The following MEIS2 variants were observed in gnomAD, a reference collection of about 807,000 sequenced individuals.
MEIS2 encodes the protein homeobox protein Meis2.
MEIS2 carries 9 observed loss-of-function variants against 58.6 expected under a neutral mutation model. That is an observed-to-expected ratio of 0.15 (90% CI 0.09 to 0.27). MEIS2 has a LOEUF of 0.27. Among genes scored for constraint, MEIS2 ranks in the 10% least tolerant of loss-of-function variants. MEIS2 has a pLI of 1.00. For synonymous variants in MEIS2, 221 were observed against 228.4 expected (o/e 0.97, Z 0.29); for missense variants, 427 against 635.0 (o/e 0.67, Z 3.52).
chr15:37,030,389 T>C (rs2061868346), intron 8 of MEIS2, among the ~76,000 whole-genome samples: 1 of 151,812 alleles, frequency 6.6e-6, no homozygotes. Context: ...TAGGCTGGAG[T>C]GCAGTGGCAC....
intron 8 of MEIS2, among the ~76,000 whole-genome samples, chr15:37,029,892 T>C (rs1258687930): frequency 6.6e-6 from 1 of 152,176 alleles, no homozygotes; most frequent in African/African-American, 2.4e-5. Context: ...GGCCAAGTGC[T>C]GTGGTTCACA....
chr15:37,077,137 GTACTAAC>G, intron 7 of MEIS2, among the ~76,000 whole-genome samples: 1 of 152,088 alleles, frequency 6.6e-6, no homozygotes, highest in Non-Finnish European at 1.5e-5. Context: ...GACACGAGAT[GTACTAAC>G]TCAGTAGTGA....
chr15:37,092,063 C>T lies in MEIS2; in HGVS notation c.639+1518G>A, dbSNP rs536201943. Among the ~76,000 whole-genome samples, 5 of 152,320 alleles carry T rather than the reference C, an allele frequency of 3.3e-5. No homozygotes were observed. The East Asian group carries it at 9.6e-4, about 29-fold the overall frequency. ...AACTTTCCATAACCACTGCTGCATC[C>T]TTTTGATTTCATTACATTCACTCAA... On this transcript the variant is annotated intron_variant, in intron 6 of 11. Coordinates refer to ENST00000561208, the MANE Select transcript of MEIS2 (RefSeq NM_170675.5).
intron 9 of MEIS2, among the ~76,000 whole-genome samples, chr15:36,915,201 A>G (rs917887171): frequency 7.8e-5 from 5 of 64,148 alleles, no homozygotes; most frequent in Non-Finnish European, 2.9e-4. Flanking sequence ...CTTCTGGGAA[A>G]AAAAAAAAAA....
At chr15:37,057,140 T>C (rs1567236381) in intron 7 of MEIS2, among the ~76,000 whole-genome samples, 1 of 152,228 alleles carries the variant, frequency 6.6e-6, no homozygotes. Context: ...GATTACCGAA[T>C]TGATGGATCC....
At chr15:37,068,175 G>C (rs951492047) in intron 7 of MEIS2, among the ~76,000 whole-genome samples, 1 of 152,118 alleles carries the variant, frequency 6.6e-6, no homozygotes. Flanking sequence ...TCAGACTTAG[G>C]TCTAACTTCA....
chr15:36,913,375 T>C (rs1483400136), intron 9 of MEIS2, among the ~76,000 whole-genome samples: 2 of 152,204 alleles, frequency 1.3e-5, no homozygotes, highest in Non-Finnish European at 2.9e-5. Flanking sequence ...TAAACAAGCA[T>C]AGATTTTGGC....
rs145358549 is a variant in MEIS2 at position 37,093,605 on chromosome 15, G to A, written c.615C>T (p.Gly205=). 19 of 1,614,084 alleles carry A rather than the reference G, an allele frequency of 1.2e-5. No individual in the cohort carries two copies. The highest frequency in any genetic ancestry group is 1.7e-5 in the Admixed American group (1 of 60,000). Residue 205 remains glycine, a synonymous_variant, in exon 6 of 12, where the codon GGC becomes GGT. Coordinates refer to ENST00000561208, the MANE Select transcript of MEIS2 (RefSeq NM_170675.5). The part of the protein sequence containing the change: ...SSKSDHEELS[G]SSTNLADHNP... ...CATGGTCAGCGAGATTTGTGGAGGA[G>A]CCTGAAAGTTCTTCATGATCTGACT...
chr15:36,971,143 G>T (rs891469429), intron 8 of MEIS2, among the ~76,000 whole-genome samples: 1 of 151,948 alleles, frequency 6.6e-6, no homozygotes, highest in Non-Finnish European at 1.5e-5. Context: ...CCTGCCTCTG[G>T]CTAGTAACAG....
Position 36,989,910 on chromosome 15 carries a change from T to C in MEIS2, c.901-39510A>G, listed in dbSNP as rs150852976. On this transcript the variant is annotated intron_variant, in intron 8 of 11. Transcript: ENST00000561208. ...CTGTAGGTCACTTGAAGTGGGGGCA[T>C]TGTATCTTCATTTGGAAGCAGTTTT... is the stretch of plus-strand genomic sequence containing the variant. Among the ~76,000 whole-genome samples, 743 of 152,226 alleles carry C rather than the reference T, an allele frequency of 4.9e-3. 7 individuals are homozygous for C. Among genetic ancestry groups the C allele is most frequent in the African/African-American group, 0.017 (706 of 41,536 alleles).
intron 8 of MEIS2, among the ~76,000 whole-genome samples, chr15:37,014,068 G>A (rs768213778): frequency 6.6e-6 from 1 of 152,178 alleles, no homozygotes; most frequent in Non-Finnish European, 1.5e-5. Flanking sequence ...GTGGTAGAAT[G>A]TTAACAATAG....
intron 8 of MEIS2, among the ~76,000 whole-genome samples, chr15:36,971,553 A>AAG (rs1555438307): frequency 1.5e-5 from 2 of 131,994 alleles, no homozygotes; most frequent in African/African-American, 6.8e-5. Context: ...AAAAAAAAAA[A>AAG]AAAAAAAAAA....
intron 9 of MEIS2, among the ~76,000 whole-genome samples, chr15:36,930,186 G>A (rs1456446592): frequency 1.5e-5 from 2 of 137,070 alleles, no homozygotes; most frequent in African/African-American, 5.5e-5. Context: ...CTGGGTGACA[G>A]AGTGAGACTC....
At chr15:37,043,941 C>T (rs1409494829) in intron 7 of MEIS2, among the ~76,000 whole-genome samples, 2 of 152,132 alleles carry the variant, frequency 1.3e-5, no homozygotes, top group Non-Finnish European at 1.5e-5. Flanking sequence ...CCACCTCGGC[C>T]TCCCAAAGTG....
intron 9 of MEIS2, among the ~76,000 whole-genome samples, chr15:36,920,028 G>A (rs960165632): frequency 6.6e-6 from 1 of 152,168 alleles, no homozygotes; most frequent in Non-Finnish European, 1.5e-5. Flanking sequence ...ATAGTCATTG[G>A]AGCATGGATA....
intron 7 of MEIS2, among the ~76,000 whole-genome samples, chr15:37,054,321 C>A (rs750127177): frequency 7.3e-5 from 11 of 151,544 alleles, no homozygotes; most frequent in South Asian, 2.1e-4. Flanking sequence ...AAAATGGAAG[C>A]CCTGACCTAT....
intron 7 of MEIS2, among the ~76,000 whole-genome samples, chr15:37,053,319 A>G (rs999279209): frequency 6.6e-6 from 1 of 152,176 alleles, no homozygotes; most frequent in African/African-American, 2.4e-5. Flanking sequence ...ACTCTTGAGA[A>G]GATAACAAAT....
intron 8 of MEIS2, among the ~76,000 whole-genome samples, chr15:37,026,733 G>A (rs1451729472): frequency 1.3e-5 from 2 of 151,956 alleles, no homozygotes; most frequent in Non-Finnish European, 2.9e-5. Context: ...TCTTGTCATC[G>A]CAGAATCCCA....
chr15:36,958,246 T>A (rs960908274), intron 8 of MEIS2, among the ~76,000 whole-genome samples: 1 of 152,098 alleles, frequency 6.6e-6, no homozygotes, highest in Admixed American at 6.6e-5. Flanking sequence ...AAAAGCATAC[T>A]CTCTTCTGTA....
Sources: gnomAD v4.1 joint callset for allele counts (sites outside exome capture counted in the v4.1 genomes callset) on GRCh38, gnomAD v4.1.1 for gene constraint, MANE v1.5 for transcripts, NCBI Gene and HGNC (gene_info 2026-07-23, HGNC 2026-07-21) for gene names.